The following CDH4 variants were observed in gnomAD, a reference collection of about 807,000 sequenced individuals.
The protein encoded by CDH4 is cadherin-4.
A neutral mutation model predicts 86.0 loss-of-function variants in CDH4; 33 were observed. The observed-to-expected ratio is 0.38, with a 90% CI of 0.29 to 0.51. CDH4 has a LOEUF of 0.51. Ranked by LOEUF, CDH4 falls within the 20% of genes least tolerant of loss-of-function variation. The pLI is 0.86. For missense variants in CDH4, 1,114 were observed against 1,307.4 expected (o/e 0.85, Z 2.28); for synonymous variants, 555 against 549.4 (o/e 1.01, Z -0.14).
At chr20:61,755,700 TATACCACATACATGAATCGCATGGAC>T (rs145786666) in intron 3 of CDH4, among the ~76,000 whole-genome samples, 4,116 of 150,420 alleles carry the variant, frequency 0.027, 66 homozygotes, top group Middle Eastern at 0.048. Flanking sequence ...CAGTACATTT[TATACCACATACATGAATCGCATGGAC>T]ATACCACATA....
At chr20:61,700,284 A>G (rs1218097774) in intron 2 of CDH4, among the ~76,000 whole-genome samples, 1 of 152,208 alleles carries the variant, frequency 6.6e-6, no homozygotes, top group Admixed American at 6.5e-5. Context: ...CAGCATCGAC[A>G]GGGAAGACAG....
intron 5 of CDH4, among the ~76,000 whole-genome samples, chr20:61,846,114 C>A (rs2146103890): frequency 6.6e-6 from 1 of 152,376 alleles, no homozygotes; most frequent in South Asian, 2.1e-4. Flanking sequence ...CCGTCTGAAG[C>A]AGGGTCGGAG....
intron 2 of CDH4, among the ~76,000 whole-genome samples, chr20:61,618,658 A>G (rs2086745247): frequency 6.6e-6 from 1 of 152,198 alleles, no homozygotes; most frequent in East Asian, 1.9e-4. Context: ...TGCTGGGCAG[A>G]TGGATCTCAG....
chr20:61,561,329 C>A (rs6089414), intron 2 of CDH4, among the ~76,000 whole-genome samples: 1 of 152,244 alleles, frequency 6.6e-6, no homozygotes, highest in East Asian at 1.9e-4. Context: ...TCACCACAGC[C>A]TTAAGGGGAA....
chr20:61,469,772 G>A (rs1600699519), intron 2 of CDH4, among the ~76,000 whole-genome samples: 1 of 152,030 alleles, frequency 6.6e-6, no homozygotes, highest in East Asian at 1.9e-4. Context: ...CTATTCTTCT[G>A]CATATGGATA....
Position 61,501,726 on chromosome 20 carries a change from C to G in CDH4, c.170-241837C>G, listed in dbSNP as rs2145601313. On this transcript the variant is annotated intron_variant, in intron 2 of 15. Coordinates refer to ENST00000614565, the MANE Select transcript of CDH4 (RefSeq NM_001794.5). The surrounding 1 kb of genome is among the most constrained non-coding windows in gnomAD (Gnocchi z 4.2). ...ATACTAGCTATCTTCACAAGCACCA[C>G]CCCGCCACTGCCTCCACCATTCGTT... Among the ~76,000 whole-genome samples the G allele has an allele frequency of 6.6e-6, 1 of 152,262 alleles. No individual in the cohort carries two copies. Among genetic ancestry groups the G allele is most frequent in the East Asian group, 1.9e-4 (1 of 5,178 alleles).
intron 2 of CDH4, among the ~76,000 whole-genome samples, chr20:61,316,766 G>A (rs1453682795): frequency 1.3e-5 from 2 of 152,190 alleles, no homozygotes; most frequent in African/African-American, 4.8e-5. Context: ...CTGCTTTTCG[G>A]GTGAGGGGAG....
intron 2 of CDH4, among the ~76,000 whole-genome samples, chr20:61,458,500 G>A (rs544376264): frequency 2.0e-4 from 30 of 151,894 alleles, no homozygotes; most frequent in Non-Finnish European, 3.7e-4. Context: ...CTGATGGTAT[G>A]GTGATGGTCA....
At chr20:61,607,564 A>G (rs977571529) in intron 2 of CDH4, among the ~76,000 whole-genome samples, 1 of 152,120 alleles carries the variant, frequency 6.6e-6, no homozygotes, top group East Asian at 1.9e-4. Flanking sequence ...ATAAGATTAG[A>G]AAAAAAAGCA....
At chr20:61,502,887 G>C (rs1391904845) in intron 2 of CDH4, among the ~76,000 whole-genome samples, 2 of 152,176 alleles carry the variant, frequency 1.3e-5, no homozygotes, top group Non-Finnish European at 2.9e-5. Context: ...CACAGTGGAG[G>C]GTTCCTTGTG....
At chr20:61,496,494 A>G (rs912403994) in intron 2 of CDH4, among the ~76,000 whole-genome samples, 1 of 152,166 alleles carries the variant, frequency 6.6e-6, no homozygotes, top group African/African-American at 2.4e-5. Flanking sequence ...TTACTTTTCA[A>G]TGCGTTTCAA....
intron 3 of CDH4, among the ~76,000 whole-genome samples, chr20:61,766,957 G>A (rs1158344207): frequency 2.6e-5 from 4 of 152,240 alleles, no homozygotes; most frequent in Non-Finnish European, 5.9e-5. Flanking sequence ...TGGGCCCTGT[G>A]GGAAGTGGTG....
chr20:61,493,151 T>C (rs2085637483), intron 2 of CDH4, among the ~76,000 whole-genome samples: 1 of 152,246 alleles, frequency 6.6e-6, no homozygotes, highest in Non-Finnish European at 1.5e-5. Context: ...AGTGGACTTT[T>C]CTATCTCTTG....
chr20:61,612,547 G>A (rs2086693197), intron 2 of CDH4, among the ~76,000 whole-genome samples: 1 of 152,108 alleles, frequency 6.6e-6, no homozygotes, highest in Non-Finnish European at 1.5e-5. Context: ...AAGGACAGCT[G>A]TCCACATGGT....
chr20:61,909,016 G>A (rs139134346), intron 8 of CDH4, among the ~76,000 whole-genome samples: 4 of 152,190 alleles, frequency 2.6e-5, no homozygotes, highest in Admixed American at 1.3e-4. Flanking sequence ...TTTTAACTTG[G>A]TCACCTCTTT....
In CDH4 at chr20:61,565,221, T is replaced by TGGTGGTGGTCCTCTTGGTGATGGGG. The variant is rs1414076004; in HGVS notation, c.170-178342_170-178341insGGTGGTGGTCCTCTTGGTGATGGGG. On this transcript the variant is annotated intron_variant, in intron 2 of 15. Coordinates refer to ENST00000614565, the MANE Select transcript of CDH4 (RefSeq NM_001794.5). ...GTGGTGGTCGCGGTGCTCTCGGTGG[T>TGGTGGTGGTCCTCTTGGTGATGGGG]AGGTGGTGGTGGTGGTGGTGGCGGT... Among the ~76,000 whole-genome samples, 75 of 40,564 alleles carry TGGTGGTGGTCCTCTTGGTGATGGGG rather than the reference T, an allele frequency of 1.8e-3. 7 individuals carry two copies. The highest frequency in any genetic ancestry group is 0.016 in the Middle Eastern group (1 of 64). The allele number at this position is 40,564 out of a possible 152,430, so 26.6% of individuals were successfully genotyped here.
chr20:61,570,420 G>A (rs2086332792), intron 2 of CDH4: 1 of 477,120 alleles, frequency 2.1e-6, no homozygotes, highest in Admixed American at 3.3e-5. Flanking sequence ...TACACTTTGG[G>A]CTTCAGCAGC....
At chr20:61,757,733 G>A (rs2088582750) in intron 3 of CDH4, among the ~76,000 whole-genome samples, 1 of 152,184 alleles carries the variant, frequency 6.6e-6, no homozygotes, top group Middle Eastern at 3.2e-3. Context: ...CCATGTGGAG[G>A]GTGTCAGGGA....
intron 4 of CDH4, among the ~76,000 whole-genome samples, chr20:61,818,828 T>G (rs1417255412): frequency 1.3e-5 from 2 of 151,894 alleles, no homozygotes; most frequent in Non-Finnish European, 2.9e-5. Context: ...AGCCCTCTGT[T>G]TATCCACACC....
Sources: allele counts gnomAD v4.1 joint callset (sites outside exome capture counted in the v4.1 genomes callset), GRCh38; gene constraint gnomAD v4.1.1; non-coding constraint Gnocchi (gnomAD v3.1); transcripts MANE v1.5; gene names NCBI Gene and HGNC (gene_info 2026-07-23, HGNC 2026-07-21).